DCLK1: variants seen among roughly 807,000 people sequenced by gnomAD.
DCLK1 encodes the protein serine/threonine-protein kinase DCLK1.
Under a neutral mutation model 86.2 loss-of-function variants are expected in DCLK1, and 16 were observed. That is an observed-to-expected ratio of 0.19 (90% CI 0.13 to 0.28). The LOEUF (loss-of-function observed/expected upper bound fraction) is 0.28, where lower values mean the gene tolerates loss of function less well. DCLK1 is among the 10% of genes least tolerant of loss of function. The pLI is 1.00. For synonymous variants in DCLK1, 369 were observed against 370.5 expected (o/e 1.00, Z 0.05); for missense variants, 590 against 940.2 (o/e 0.63, Z 4.87).
intron 11 of DCLK1, among the ~76,000 whole-genome samples, chr13:35,811,952 T>A (rs1001852826): frequency 1.3e-5 from 2 of 152,226 alleles, no homozygotes; most frequent in Non-Finnish European, 2.9e-5. Flanking sequence ...ATGATCTATT[T>A]ACATTTCTTA....
chr13:36,080,509 A>G (rs535666269), intron 3 of DCLK1, among the ~76,000 whole-genome samples: 1 of 152,346 alleles, frequency 6.6e-6, no homozygotes, highest in African/African-American at 2.4e-5. Flanking sequence ...CTGATCTGTC[A>G]GTTTCCTTCA....
chr13:36,024,973 T>C (rs1230977255), intron 3 of DCLK1, among the ~76,000 whole-genome samples: 1 of 151,192 alleles, frequency 6.6e-6, no homozygotes, highest in South Asian at 2.1e-4. Context: ...TCTTTCTTTT[T>C]TTTTTTTTTT....
chr13:36,053,714 G>A (rs575015408), intron 3 of DCLK1, among the ~76,000 whole-genome samples: 7 of 152,196 alleles, frequency 4.6e-5, no homozygotes, highest in African/African-American at 1.7e-4. Context: ...GTGCTGCCGG[G>A]TGGGGGGCAG....
chr13:36,042,778 C>T (rs573438222), intron 3 of DCLK1, among the ~76,000 whole-genome samples: 1 of 152,310 alleles, frequency 6.6e-6, no homozygotes, highest in South Asian at 2.1e-4. Flanking sequence ...AACAGAAACT[C>T]AAGGCATTTA....
chr13:35,796,293 T>C (rs2086810371), intron 15 of DCLK1, among the ~76,000 whole-genome samples: 1 of 152,128 alleles, frequency 6.6e-6, no homozygotes, highest in African/African-American at 2.4e-5. Context: ...TGGAGAAGGT[T>C]GAGGAAAGGT....
At chr13:36,066,132 T>C (rs568195694) in intron 3 of DCLK1, among the ~76,000 whole-genome samples, 1 of 152,318 alleles carries the variant, frequency 6.6e-6, no homozygotes, top group Admixed American at 6.5e-5. Context: ...TTAGTGTCAT[T>C]TGCACCTCAA....
At chr13:36,095,172 T>TG (rs1491406922) in intron 3 of DCLK1, among the ~76,000 whole-genome samples, 1 of 130,612 alleles carries the variant, frequency 7.7e-6, no homozygotes, top group Non-Finnish European at 1.6e-5. Flanking sequence ...TCTCTCTCTT[T>TG]GTTTTTTTTT....
At chr13:35,884,153 G>A (rs1177518927) in intron 4 of DCLK1, among the ~76,000 whole-genome samples, 1 of 152,040 alleles carries the variant, frequency 6.6e-6, no homozygotes, top group Non-Finnish European at 1.5e-5. Flanking sequence ...AATTACCAAG[G>A]GAAATCCAGA....
At chr13:35,944,888 CTTT>C (rs1215880968) in intron 4 of DCLK1, among the ~76,000 whole-genome samples, 1 of 151,782 alleles carries the variant, frequency 6.6e-6, no homozygotes, top group African/African-American at 2.4e-5. Context: ...TGTGTGCATT[CTTT>C]TTTATTCTTT....
rs137961229 is a variant in DCLK1, at chr13:36,111,938, G to A, written c.654C>T (p.Thr218=). Residue 218 remains threonine (T), a synonymous_variant, in exon 3 of 17, where the codon ACC becomes ACT. Transcript: ENST00000360631. ...CCAGCTTGATGGCATCGGTGATATC[G>A]GTGAGGACCTGCTCAAAGGAATGAG... is the stretch of plus-strand genomic sequence containing the variant. ...KTAHSFEQVL[T]DITDAIKLDS... The A allele has an allele frequency of 4.0e-5, 64 of 1,614,180 alleles. No homozygotes were observed. Among genetic ancestry groups the A allele is most frequent in the African/African-American group, 2.7e-4 (20 of 75,042 alleles).
intron 3 of DCLK1, among the ~76,000 whole-genome samples, chr13:36,005,123 A>C (rs982525752): frequency 1.3e-5 from 2 of 152,320 alleles, no homozygotes; most frequent in Admixed American, 1.3e-4. Flanking sequence ...CCAAAACTGC[A>C]GTCAAAAACC....
chr13:36,013,690 T>G (rs527731447), intron 3 of DCLK1, among the ~76,000 whole-genome samples: 1 of 152,192 alleles, frequency 6.6e-6, no homozygotes, highest in Non-Finnish European at 1.5e-5. Context: ...TGTTTGTCTG[T>G]GCCCTGCCCC....
intron 3 of DCLK1, among the ~76,000 whole-genome samples, chr13:36,092,574 C>A (rs1884871156): frequency 1.4e-5 from 2 of 147,322 alleles, no homozygotes; most frequent in Non-Finnish European, 3.0e-5. Context: ...GCAAGCTCCG[C>A]CTCCCGGGTT....
At position 36,064,023 on chromosome 13, in the gene DCLK1, A is replaced by C. The variant is rs185781893; in HGVS notation, c.723+47846T>G. ...GTAATTAGCCTATAATAATCAGGTA[A>C]AATGAGAAGTAATAAAGGTATGATA... On this transcript the variant is annotated intron_variant, in intron 3 of 16. Transcript: ENST00000360631. Among the ~76,000 whole-genome samples, 5 of 152,328 alleles carry C rather than the reference A, an allele frequency of 3.3e-5. No individual in the cohort carries two copies. In the East Asian group the frequency reaches 5.8e-4, roughly 18 times the overall value.
At chr13:36,034,887 A>G (rs1882426457) in intron 3 of DCLK1, among the ~76,000 whole-genome samples, 1 of 152,180 alleles carries the variant, frequency 6.6e-6, no homozygotes, top group African/African-American at 2.4e-5. Context: ...GTAAGGAGAA[A>G]GTTCAGGAAG....
intron 1 of DCLK1, among the ~76,000 whole-genome samples, chr13:36,130,805 T>A (rs1412076514): frequency 6.6e-6 from 1 of 152,020 alleles, no homozygotes; most frequent in African/African-American, 2.4e-5. Context: ...TGGCTCTCCA[T>A]CTCCACTAAC....
intron 5 of DCLK1, among the ~76,000 whole-genome samples, chr13:35,858,212 A>G (rs1871184451): frequency 6.6e-6 from 1 of 152,058 alleles, no homozygotes; most frequent in Non-Finnish European, 1.5e-5. Flanking sequence ...GATCTAGGGT[A>G]GTGTCATGGG....
chr13:36,007,444 T>G (rs1243030187), intron 3 of DCLK1, among the ~76,000 whole-genome samples: 1 of 152,212 alleles, frequency 6.6e-6, no homozygotes, highest in African/African-American at 2.4e-5. Context: ...GTCCAAGTCC[T>G]CTCTGTTCCC....
At chr13:35,872,321 T>C (rs1872328888) in intron 4 of DCLK1, among the ~76,000 whole-genome samples, 1 of 152,252 alleles carries the variant, frequency 6.6e-6, no homozygotes, top group Admixed American at 6.5e-5. Flanking sequence ...TGCATTTATA[T>C]ATTTCAGCAT....
Sources: gnomAD v4.1 joint callset for allele counts (sites outside exome capture counted in the v4.1 genomes callset) on GRCh38, gnomAD v4.1.1 for gene constraint, MANE v1.5 for transcripts, NCBI Gene and HGNC (gene_info 2026-07-23, HGNC 2026-07-21) for gene names.